The following PDIA3 variants were observed in gnomAD, a reference collection of about 807,000 sequenced individuals.
PDIA3 encodes protein disulfide-isomerase A3.
PDIA3 carries 16 observed loss-of-function variants against 56.9 expected under a neutral mutation model. That is an observed-to-expected ratio of 0.28 (90% CI 0.19 to 0.43). PDIA3 has a LOEUF of 0.43. PDIA3 is among the 20% of genes least tolerant of loss of function. The pLI, the probability that PDIA3 is intolerant of heterozygous loss-of-function variation, is 1.00. For synonymous variants in PDIA3, 192 were observed against 216.5 expected (o/e 0.89, Z 0.99); for missense variants, 485 against 621.3 (o/e 0.78, Z 2.33).
chr15:43,763,231 G>A, intron 5 of PDIA3, 25 bp downstream of exon 5: 2 of 1,610,114 alleles, frequency 1.2e-6, no homozygotes, highest in Non-Finnish European at 8.5e-7. Flanking sequence ...TGAATCTCCT[G>A]ACCAAGTATT....
chr15:43,749,938 C>A (rs1190856394), intron 1 of PDIA3, among the ~76,000 whole-genome samples: 1 of 151,264 alleles, frequency 6.6e-6, no homozygotes, highest in Non-Finnish European at 1.5e-5. Context: ...CAGTGTGAGA[C>A]CATCTCAAAA....
intron 1 of PDIA3, among the ~76,000 whole-genome samples, chr15:43,750,027 G>A (rs550956656): frequency 1.4e-5 from 2 of 147,154 alleles, no homozygotes; most frequent in South Asian, 4.3e-4. Flanking sequence ...TTCTTTTTCC[G>A]CTTTCATGTT....
chr15:43,749,495 TAGTA>T (rs1438797529), intron 1 of PDIA3, among the ~76,000 whole-genome samples: 5 of 152,210 alleles, frequency 3.3e-5, no homozygotes, highest in African/African-American at 1.2e-4. Context: ...AAAAAATCCT[TAGTA>T]AGAGTAAAAT....
At chr15:43,752,239 T>C (rs1596018542) in intron 1 of PDIA3, among the ~76,000 whole-genome samples, 1 of 152,204 alleles carries the variant, frequency 6.6e-6, no homozygotes, top group East Asian at 1.9e-4. Flanking sequence ...CCCTCTTCTC[T>C]CTGAAGCGTT....
Position 43,763,128 on chromosome 15 carries a change from C to T in PDIA3, c.524C>T (p.Ala175Val). The change falls in exon 5 of 13, where the codon GCC (alanine) becomes GTC (valine). Residue 175 changes from alanine to valine, a missense_variant. Ala to Val is a moderately conservative substitution (Grantham distance 64). Coordinates refer to ENST00000300289, the MANE Select transcript of PDIA3 (RefSeq NM_005313.5). Reference sequence around the variant, plus strand: ...GCTCACTCCGAGTTCCTAAAAGCAGCCAGCAACTTGAGGGATAACTACCGA... The same window carrying T: ...GCTCACTCCGAGTTCCTAAAAGCAGTCAGCAACTTGAGGGATAACTACCGA... The part of the protein sequence containing the change: ...SEAHSEFLKA[A>V]SNLRDNYRFA... The T allele has an allele frequency of 6.2e-7, 1 of 1,613,972 alleles. No individual in the cohort carries two copies.
chr15:43,773,272 TACCTTGCTTCCGTTCCCAG>T (rs1366692890), exon 13 of PDIA3: 1 of 1,614,004 alleles, frequency 6.2e-7, no homozygotes, highest in Non-Finnish European at 8.5e-7. Flanking sequence ...ATTCTCATTC[TACCTTGCTTCCGTTCCCAG>T]ACCTTGTCTT....
Position 43,770,911 on chromosome 15 carries a change from A to C in PDIA3, c.1405-194A>C, listed in dbSNP as rs566695831. On this transcript the variant is annotated intron_variant, in intron 12 of 12. Transcript: ENST00000300289. ...TGATCAGCCTGCCTTGGCCTCCCAA[A>C]GTGCTGGGATTACAGGCGTGAGCCA... Among the ~76,000 whole-genome samples, 592 of 152,228 alleles carry C rather than the reference A, an allele frequency of 3.9e-3. 7 individuals carry two copies. The highest frequency in any genetic ancestry group is 0.014 in the African/African-American group (568 of 41,520).
At chr15:43,762,749 A>G (rs571232869) in intron 4 of PDIA3, among the ~76,000 whole-genome samples, 17 of 152,334 alleles carry the variant, frequency 1.1e-4, no homozygotes, top group Middle Eastern at 3.4e-3. Context: ...TTGACATGTC[A>G]TCTTAATTTA....
intron 12 of PDIA3, 117 bp from the exon 13 acceptor site, chr15:43,770,988 G>T: frequency 6.0e-6 from 4 of 669,820 alleles, no homozygotes; most frequent in Non-Finnish European, 1.1e-5. Context: ...AAACTCTCAT[G>T]GGCAGTATAT....
chr15:43,760,484 A>G (rs7174208), intron 3 of PDIA3, among the ~76,000 whole-genome samples: 24,147 of 151,206 alleles, frequency 0.16, 2,561 homozygotes, highest in African/African-American at 0.29. Context: ...GCACATTTAT[A>G]GTGAAACACT....
chr15:43,754,584 G>A (rs2086765352), intron 2 of PDIA3, among the ~76,000 whole-genome samples: 1 of 151,586 alleles, frequency 6.6e-6, no homozygotes, highest in South Asian at 2.1e-4. Flanking sequence ...AAAGCTGGGT[G>A]TGTTGGCTCA....
Position 43,746,680 on chromosome 15 carries a change from C to G in PDIA3, c.141C>G (p.Leu47=), listed in dbSNP as rs1180676473. 8 of 1,612,836 alleles carry G rather than the reference C, an allele frequency of 5.0e-6. No individual in the cohort carries two copies. The Admixed American group carries it at 6.7e-5, about 13-fold the overall frequency. ...SRISDTGSAG[L]MLVEFFAPWC... ...TCTCCGACACGGGCTCTGCGGGCCT[C>G]ATGCTCGTCGAGTTCTTCGCCCCCT... Residue 47 remains leucine, a synonymous_variant, in exon 1 of 13, where the codon CTC becomes CTG. Coordinates refer to ENST00000300289, the MANE Select transcript of PDIA3 (RefSeq NM_005313.5).
rs116994383 is a variant in PDIA3 at position 43,768,344 on chromosome 15, G to A, written c.1029-145G>A. ...AAAGGAACGGTTTGTTTCTTCAGTC[G>A]GTAGTTCTGCATATTGAGAGATGAG... On this transcript the variant is annotated intron_variant, in intron 8 of 12. Transcript: ENST00000300289. 3,894 of 581,806 alleles carry A rather than the reference G, an allele frequency of 6.7e-3. 14 individuals are homozygous for A. The highest frequency in any genetic ancestry group is 9.4e-3 in the Non-Finnish European group (2,976 of 315,436). 36.0% of individuals were successfully genotyped at this position (581,806 alleles called of 1,614,324 possible). A position where few individuals can be genotyped will look rare whatever the true frequency, so the allele number is the denominator to read the frequency against.
At chr15:43,769,735 C>G (rs916102048) in intron 10 of PDIA3, 89 bp downstream of exon 10, 1 of 1,386,648 alleles carries the variant, frequency 7.2e-7, no homozygotes, top group Non-Finnish European at 1.0e-6. Context: ...TGGTTGGTTC[C>G]TAAGTACTGA....
chr15:43,768,718 C>G, intron 9 of PDIA3, 121 bp downstream of exon 9: 1 of 670,138 alleles, frequency 1.5e-6, no homozygotes, highest in Non-Finnish European at 2.6e-6. Flanking sequence ...TGTCCTTACT[C>G]CCGAGTCATA....
intron 7 of PDIA3, 139 bp downstream of exon 7, chr15:43,766,151 AAAT>A (rs2086846561): frequency 1.1e-5 from 7 of 650,010 alleles, no homozygotes; most frequent in African/African-American, 1.9e-5. Context: ...AAAAAAAAAA[AAAT>A]TAAAGTAACT....
chr15:43,757,601 C>T (rs1266767587), intron 3 of PDIA3, among the ~76,000 whole-genome samples: 2 of 150,748 alleles, frequency 1.3e-5, no homozygotes, highest in Non-Finnish European at 3.0e-5. Flanking sequence ...TGGCTCACAC[C>T]TATAATCCCA....
chr15:43,746,445 C>T lies in PDIA3; in HGVS notation c.-95C>T. ...TGCAGGTCCGCCTGGGCCAGACGCG[C>T]GAGCGCAAGCAGCGGGTTAGTGGTC... On this transcript the variant is annotated 5_prime_UTR_variant, in exon 1 of 13. Transcript: ENST00000300289. 8.0e-7 allele frequency: 1 copy of T among 1,253,430 alleles called. No homozygotes were observed. The highest frequency in any genetic ancestry group is 1.6e-5 in the South Asian group (1 of 60,694). The allele number at this position is 1,253,430 out of a possible 1,614,324, so 77.6% of individuals were successfully genotyped here.
chr15:43,761,381 A>G, intron 3 of PDIA3, 43 bp from the exon 4 acceptor site: 7 of 1,078,568 alleles, frequency 6.5e-6, no homozygotes, highest in Non-Finnish European at 9.8e-6. Flanking sequence ...CTCAAAAATT[A>G]TAAATAAGTT....
Sources: gnomAD v4.1 joint callset for allele counts (sites outside exome capture counted in the v4.1 genomes callset) on GRCh38, gnomAD v4.1.1 for gene constraint, MANE v1.5 for transcripts, NCBI Gene and HGNC (gene_info 2026-07-23, HGNC 2026-07-21) for gene names.